KIF21B: variants seen among roughly 807,000 people sequenced by gnomAD.
KIF21B encodes kinesin family member 21B.
A neutral mutation model predicts 192.9 loss-of-function variants in KIF21B; 85 were observed. That is an observed-to-expected ratio of 0.44 (90% CI 0.37 to 0.53). The LOEUF (loss-of-function observed/expected upper bound fraction) is 0.53, where lower values mean the gene tolerates loss of function less well. Among genes scored for constraint, KIF21B ranks in the 20% least tolerant of loss-of-function variants. KIF21B has a pLI of 0.00. For synonymous variants in KIF21B, 832 were observed against 884.6 expected, an observed-to-expected ratio of 0.94 and a Z score of 1.05; for missense variants, 1,716 against 2,194.8, an observed-to-expected ratio of 0.78 and a Z score of 4.36.
At position 201,003,240 on chromosome 1, in the gene KIF21B, T is replaced by A. The variant is rs556831749; in HGVS notation, c.1212+346A>T. 126 of 374,646 alleles carry A rather than the reference T, an allele frequency of 3.4e-4. 1 individual carries two copies. The highest frequency in any genetic ancestry group is 2.7e-3 in the Middle Eastern group (3 of 1,132). The allele number at this position is 374,646 out of a possible 1,614,324, so 23.2% of individuals were successfully genotyped here. A position where few individuals can be genotyped will look rare whatever the true frequency, so the allele number is the denominator to read the frequency against. On this transcript the variant is annotated intron_variant, in intron 8 of 34. Transcript: ENST00000461742. ...CGATTCTGTGCCAGTCTAGCAGTCT[T>A]ACCTGTTCCAACACAACACATTCAG...
intron 29 of KIF21B, 35 bp from the exon 30 acceptor site, chr1:200,979,750 G>A: frequency 1.3e-6 from 2 of 1,481,498 alleles, no homozygotes; most frequent in East Asian, 2.6e-5. Flanking sequence ...AGGGAGGGGA[G>A]GGATGTCAGC....
intron 1 of KIF21B, among the ~76,000 whole-genome samples, chr1:201,014,199 G>A (rs900805741): frequency 8.5e-5 from 13 of 152,264 alleles, no homozygotes; most frequent in Non-Finnish European, 1.5e-5. Flanking sequence ...TGTGATGTGG[G>A]AAGCCGTCCT....
intron 2 of KIF21B, 73 bp downstream of exon 2, chr1:201,009,193 T>C (rs1658092019): frequency 1.4e-6 from 2 of 1,423,428 alleles, no homozygotes; most frequent in Admixed American, 1.9e-5. Flanking sequence ...GCTCTGAAGG[T>C]GGAGCTTTCT....
Position 200,975,607 on chromosome 1 carries a change from C to T in KIF21B, c.4506G>A (p.Pro1502=), listed in dbSNP as rs111954734. The T allele has an allele frequency of 2.3e-5, 37 of 1,613,952 alleles. No homozygotes were observed. Among genetic ancestry groups the T allele is most frequent in the South Asian group, 1.8e-4 (16 of 91,072 alleles). ...CGAGACACTCGATGCCATCGTAGTGCGGGGGCTCGAAGTTGTGAGTGGGGC... is the reference window on the plus strand; with the variant it reads ...CGAGACACTCGATGCCATCGTAGTGTGGGGGCTCGAAGTTGTGAGTGGGGC... ...TIGPTHNFEP[P]HYDGIECLAI... Residue 1502 remains proline, a synonymous_variant, in exon 33 of 35, where the codon CCG becomes CCA. Transcript: ENST00000461742. This position sits in a 1 kb window ranked among gnomAD's most constrained non-coding sequence, Gnocchi z 4.3.
intron 8 of KIF21B, 94 bp downstream of exon 8, chr1:201,003,492 G>T: frequency 7.9e-7 from 1 of 1,268,980 alleles, no homozygotes; most frequent in Non-Finnish European, 1.1e-6. Flanking sequence ...TGGGAGGGAT[G>T]CTGAGGAAGT....
At chr1:201,003,802 T>C in intron 7 of KIF21B, 21 bp from the exon 8 acceptor site, 1 of 1,613,844 alleles carries the variant, frequency 6.2e-7, no homozygotes, top group Non-Finnish European at 8.5e-7. Flanking sequence ...AGAAAGGCTG[T>C]TGTGAGGGTG....
intron 5 of KIF21B, 46 bp downstream of exon 5, chr1:201,005,262 T>C (rs1657745164): frequency 1.3e-6 from 2 of 1,519,360 alleles, no homozygotes; most frequent in Non-Finnish European, 8.8e-7. Context: ...CTTCCCGGGA[T>C]ACCCCTGCAG....
In KIF21B at chr1:201,002,216, G is replaced by T. The variant is rs761485852; in HGVS notation, c.1347C>A (p.Asn449Lys). The change falls in exon 9 of 35, where the codon AAC (asparagine) becomes AAA (lysine). Residue 449 changes from asparagine (N) to lysine (K), a missense_variant. Transcript: ENST00000461742. ...GGCTCATGAGCTGGGTGACGCGGTT[G>T]TTGATGGCATCGATGGCCTCCTGCA... ...KAMQEAIDAINNRVTQLMSQE... is the reference protein window; with the variant it reads ...KAMQEAIDAIKNRVTQLMSQE... 5 of 1,614,102 alleles carry T rather than the reference G, an allele frequency of 3.1e-6. No homozygotes were observed. The Admixed American group carries it at 8.3e-5, about 27-fold the overall frequency.
rs768199600 is a variant in KIF21B, at chr1:200,976,860, G to A, written c.4359C>T (p.Ile1453=). ...FQPVGKLTGH[I]GPVMCLTVTQ... is the part of the protein sequence containing the mutation. ...TGACCGTCAGGCACATCACAGGGCC[G>A]ATGTGGCCAGTCAGCTTGCCGACAG... is the stretch of plus-strand genomic sequence containing the variant. The change falls in exon 32 of 35, where the codon ATC becomes ATT. Residue 1453 remains isoleucine, a synonymous_variant. Coordinates refer to ENST00000461742, the MANE Select transcript of KIF21B (RefSeq NM_001252102.2). 2.4e-5 allele frequency: 39 copies of A among 1,612,394 alleles called. No individual in the cohort carries two copies. The Admixed American group carries it at 5.3e-4, about 22-fold the overall frequency.
At chr1:201,011,238 C>G (rs1658216081) in intron 1 of KIF21B, among the ~76,000 whole-genome samples, 1 of 152,266 alleles carries the variant, frequency 6.6e-6, no homozygotes, top group Non-Finnish European at 1.5e-5. Context: ...AGGCTCCTAC[C>G]TCTACTTCTA....
In KIF21B at chr1:200,987,045, G is replaced by A. The variant is rs376964063; in HGVS notation, c.3565C>T (p.Arg1189Trp). 5.0e-6 allele frequency: 8 copies of A among 1,614,046 alleles called. No individual in the cohort carries two copies. Among genetic ancestry groups the A allele is most frequent in the Middle Eastern group, 1.6e-4 (1 of 6,062 alleles). The change falls in exon 25 of 35, where the codon CGG becomes TGG. Residue 1189 changes from arginine (R) to tryptophan (W), a missense_variant. Arg to Trp is a moderately radical substitution (Grantham distance 101). This residue lies in a region of KIF21B where 580 missense variants were observed against 775.5 expected (regional missense o/e 0.75). Coordinates refer to ENST00000461742, the MANE Select transcript of KIF21B (RefSeq NM_001252102.2). ...CTGACGGTGCGCGAGACCCTGTCCCGGTAATAGGGGTCTCGGACAGAGAAG... is the reference window on the plus strand; with the variant it reads ...CTGACGGTGCGCGAGACCCTGTCCCAGTAATAGGGGTCTCGGACAGAGAAG... ...VGFSVRDPYYRDRVSRTVSLP... is the reference protein window; with the variant it reads ...VGFSVRDPYYWDRVSRTVSLP...
intron 9 of KIF21B, 156 bp downstream of exon 9, chr1:201,002,005 A>C: frequency 1.6e-6 from 1 of 630,936 alleles, no homozygotes; most frequent in Non-Finnish European, 2.8e-6. Flanking sequence ...TGTGCCATAC[A>C]AAAATGTTTT....
intron 1 of KIF21B, among the ~76,000 whole-genome samples, chr1:201,014,122 G>C (rs1209879373): frequency 6.6e-6 from 1 of 152,268 alleles, no homozygotes; most frequent in Non-Finnish European, 1.5e-5. Context: ...GAGCTTTTCA[G>C]AGTCAGGATC....
Position 200,982,916 on chromosome 1 carries a change from G to GGT in KIF21B, c.3842+139_3842+140insAC. On this transcript the variant is annotated intron_variant, in intron 28 of 34. Transcript: ENST00000461742. This position sits in a 1 kb window ranked among gnomAD's most constrained non-coding sequence, Gnocchi z 4.7. ...TGGGGGCAGGAACAGGTCTGGAGAG[G>GGT]GGGGCAGCAGGAAGGGGAGTGGAGG... 1 of 758,186 alleles carries GGT rather than the reference G, an allele frequency of 1.3e-6. No individual in the cohort carries two copies. Among genetic ancestry groups the GGT allele is most frequent in the Non-Finnish European group, 2.3e-6 (1 of 443,278 alleles). The allele number at this position is 758,186 out of a possible 1,614,324, so 47.0% of individuals were successfully genotyped here.
Position 200,974,995 on chromosome 1 carries a change from G to A in KIF21B, c.4615-82C>T, listed in dbSNP as rs1364534606. 5.7e-6 allele frequency: 8 copies of A among 1,395,810 alleles called. No homozygotes were observed. In the East Asian group the frequency reaches 1.8e-4, roughly 32 times the overall value. 86.5% of individuals were successfully genotyped at this position (1,395,810 alleles called of 1,614,324 possible). On this transcript the variant is annotated intron_variant, in intron 33 of 34. Transcript: ENST00000461742. ...CCCCAGGGCCCCTCTTGCTAGTAGT[G>A]GAGCTACTTCCAGGCTCCCCTGGCC...
chr1:200,976,707 G>A (rs2102373683), intron 32 of KIF21B, 69 bp downstream of exon 32: 1 of 986,714 alleles, frequency 1.0e-6, no homozygotes. Flanking sequence ...GGTACTCCCA[G>A]GGCAACAGAG....
At position 200,982,976 on chromosome 1, in the gene KIF21B, G is replaced by T; in HGVS notation, c.3842+80C>A. The T allele has an allele frequency of 7.6e-7, 1 of 1,309,230 alleles. No individual in the cohort carries two copies. The highest frequency in any genetic ancestry group is 1.5e-5 in the African/African-American group (1 of 68,624). 81.1% of individuals were successfully genotyped at this position (1,309,230 alleles called of 1,614,324 possible). ...CTGAGGACACGGGTGTCAGGCGGGA[G>T]GGATGCAGCAAGAGACAGAGAAGAG... is the stretch of plus-strand genomic sequence containing the variant. On this transcript the variant is annotated intron_variant, in intron 28 of 34. Coordinates refer to ENST00000461742, the MANE Select transcript of KIF21B (RefSeq NM_001252102.2). This position sits in a 1 kb window ranked among gnomAD's most constrained non-coding sequence, Gnocchi z 4.7.
chr1:200,988,887 C>T lies in KIF21B; in HGVS notation c.3177G>A (p.Glu1059=). ...CCATATCCGTCTGCCTCAGTCGGCC[C>T]TCCAACAGCCGGATCTGGGCTTCCT... ...AQKEAQIRLL[E]GRLRQTDMAG... is the part of the protein sequence containing the mutation. The change falls in exon 22 of 35, where the codon GAG becomes GAA. Residue 1059 remains glutamate (E), a synonymous_variant. Coordinates refer to ENST00000461742, the MANE Select transcript of KIF21B (RefSeq NM_001252102.2). 1 of 1,612,940 alleles carries T rather than the reference C, an allele frequency of 6.2e-7. No homozygotes were observed. Among genetic ancestry groups the T allele is most frequent in the Non-Finnish European group, 8.5e-7 (1 of 1,179,510 alleles).
Position 201,000,145 on chromosome 1 carries a change from C to G in KIF21B, c.1686-181G>C, listed in dbSNP as rs1265342786. Among the ~76,000 whole-genome samples, 1 of 152,194 alleles carries G rather than the reference C, an allele frequency of 6.6e-6. No individual in the cohort carries two copies. Among genetic ancestry groups the G allele is most frequent in the East Asian group, 1.9e-4 (1 of 5,182 alleles). ...GGGCCACCCAGAGCTGACCTTGGCTCAGCTCAGTCCTTCCTCTCCTTGGGG... is the reference window on the plus strand; with the variant it reads ...GGGCCACCCAGAGCTGACCTTGGCTGAGCTCAGTCCTTCCTCTCCTTGGGG... On this transcript the variant is annotated intron_variant, in intron 11 of 34. Coordinates refer to ENST00000461742, the MANE Select transcript of KIF21B (RefSeq NM_001252102.2). This position sits in a 1 kb window ranked among gnomAD's most constrained non-coding sequence, Gnocchi z 6.0.
Sources: allele counts gnomAD v4.1 joint callset (sites outside exome capture counted in the v4.1 genomes callset), GRCh38; gene constraint gnomAD v4.1.1; regional missense constraint gnomAD v4.1.1; non-coding constraint Gnocchi (gnomAD v3.1); transcripts MANE v1.5; gene names NCBI Gene and HGNC (gene_info 2026-07-23, HGNC 2026-07-21).